PDE1A: variants seen among roughly 807,000 people sequenced by gnomAD.
PDE1A encodes the protein dual specificity calcium/calmodulin-dependent 3',5'-cyclic nucleotide phosphodiesterase 1A.
Under a neutral mutation model 61.7 loss-of-function variants are expected in PDE1A, and 35 were observed. The ratio of observed to expected loss-of-function variants is 0.57; its 90% confidence interval spans 0.43 to 0.75. The LOEUF (loss-of-function observed/expected upper bound fraction) is 0.75, where lower values mean the gene tolerates loss of function less well. PDE1A is among the 30% of genes least tolerant of loss of function. The pLI, the probability that PDE1A is intolerant of heterozygous loss-of-function variation, is 0.00. For missense variants in PDE1A, 597 were observed against 630.6 expected, an observed-to-expected ratio of 0.95 and a Z score of 0.57; for synonymous variants, 232 against 213.2, an observed-to-expected ratio of 1.09 and a Z score of -0.77.
At chr2:182,174,700 A>G (rs1657185178) in intron 13 of PDE1A, among the ~76,000 whole-genome samples, 2 of 152,060 alleles carry the variant, frequency 1.3e-5, no homozygotes, top group African/African-American at 4.8e-5. Context: ...TACACGTTGC[A>G]TAAAACAGAA....
At chr2:182,397,230 T>C (rs1180156051) in intron 1 of PDE1A, among the ~76,000 whole-genome samples, 1 of 152,160 alleles carries the variant, frequency 6.6e-6, no homozygotes, top group Non-Finnish European at 1.5e-5. Context: ...ACCTAACATA[T>C]TTGAGGTGAT....
chr2:182,638,513 G>C, the PDE1A span, among the ~76,000 whole-genome samples: 2 of 152,222 alleles, frequency 1.3e-5, no homozygotes, highest in Non-Finnish European at 2.9e-5. Context: ...TCCAGCCTGG[G>C]CGACAGAGTG....
chr2:182,378,337 G>T (rs536402951), intron 1 of PDE1A, among the ~76,000 whole-genome samples: 1 of 152,150 alleles, frequency 6.6e-6, no homozygotes, highest in Non-Finnish European at 1.5e-5. Flanking sequence ...TGGGTGAAGG[G>T]GGCGTATCAA....
intron 4 of PDE1A, 60 bp downstream of exon 4, chr2:182,234,372 T>G: frequency 3.4e-6 from 4 of 1,170,880 alleles, no homozygotes; most frequent in Non-Finnish European, 3.8e-6. Flanking sequence ...TCTCATAGCC[T>G]TTTTAAGAGA....
the PDE1A span, among the ~76,000 whole-genome samples, chr2:182,605,038 ATTT>A: frequency 6.8e-5 from 10 of 147,786 alleles, no homozygotes; most frequent in Middle Eastern, 3.5e-3. Flanking sequence ...AGGGGAGTGG[ATTT>A]TTTTTTTTTT....
intron 2 of PDE1A, among the ~76,000 whole-genome samples, chr2:182,245,956 A>T (rs1012100706): frequency 2.6e-5 from 4 of 152,332 alleles, no homozygotes; most frequent in African/African-American, 9.6e-5. Context: ...CCAGAGGCCA[A>T]GCTGCCATCA....
intron 2 of PDE1A, among the ~76,000 whole-genome samples, chr2:182,256,692 G>A (rs529893345): frequency 1.9e-4 from 29 of 152,266 alleles, no homozygotes; most frequent in Non-Finnish European, 3.1e-4. Flanking sequence ...ATAAAAGGAT[G>A]ACTTCTTGAC....
the PDE1A span, among the ~76,000 whole-genome samples, chr2:182,690,482 C>T: frequency 1.3e-3 from 197 of 152,238 alleles, no homozygotes; most frequent in Admixed American, 2.0e-3. Context: ...GTCAACAGCG[C>T]TTCATGCTAA....
At position 182,148,130 on chromosome 2, in the gene PDE1A, A is replaced by G. The variant is rs546094947; in HGVS notation, c.1517-978T>C. Among the ~76,000 whole-genome samples, 62 of 152,322 alleles carry G rather than the reference A, an allele frequency of 4.1e-4. 1 individual carries two copies. The highest frequency in any genetic ancestry group is 1.4e-3 in the African/African-American group (59 of 41,576). On this transcript the variant is annotated intron_variant, in intron 13 of 13. Transcript: ENST00000409365. The stretch of plus-strand genomic sequence containing the variant: ...CTTTCCTGATCATTCTTAGAGAACT[A>G]AAAACATCCTGTGATCACATTAAGT...
upstream of PDE1A, among the ~76,000 whole-genome samples, chr2:182,427,323 G>A (rs1295492431): frequency 1.3e-5 from 2 of 152,040 alleles, no homozygotes; most frequent in Non-Finnish European, 2.9e-5. Context: ...ACCTCCTCTT[G>A]GCTGAAGTTG....
At chr2:182,480,410 G>C (rs189124682) in intron 2 of PDE1A, among the ~76,000 whole-genome samples, 88 of 151,992 alleles carry the variant, frequency 5.8e-4, no homozygotes, top group Non-Finnish European at 5.4e-4. Flanking sequence ...CTCCTTGAAA[G>C]GCTTTCTGAA....
chr2:182,511,119 G>A (rs534407914), intron 2 of PDE1A, among the ~76,000 whole-genome samples: 84 of 152,178 alleles, frequency 5.5e-4, no homozygotes, highest in African/African-American at 2.0e-3. Context: ...CAACACCGAT[G>A]AGATACGTGA....
At chr2:182,336,088 G>T (rs993964913) in intron 1 of PDE1A, among the ~76,000 whole-genome samples, 2 of 152,206 alleles carry the variant, frequency 1.3e-5, no homozygotes, top group Non-Finnish European at 2.9e-5. Flanking sequence ...ACGCCAGTTA[G>T]AATGGTGATC....
chr2:182,602,996 T>C, the PDE1A span, among the ~76,000 whole-genome samples: 1,394 of 54,578 alleles, frequency 0.026, 11 homozygotes, highest in African/African-American at 0.085. Context: ...CACACACACA[T>C]ACATACATAC....
At chr2:182,635,698 C>CTCTCTTCTA in the PDE1A span, among the ~76,000 whole-genome samples, 1,933 of 147,578 alleles carry the variant, frequency 0.013, 119 homozygotes, top group Admixed American at 0.11. Flanking sequence ...CTCTCTCTCT[C>CTCTCTTCTA]TCCACATATG....
intron 2 of PDE1A, among the ~76,000 whole-genome samples, chr2:182,443,854 C>T (rs1574668957): frequency 6.6e-6 from 1 of 151,894 alleles, no homozygotes; most frequent in Non-Finnish European, 1.5e-5. Flanking sequence ...CAGGCATGCG[C>T]CACCATGCCC....
chr2:182,375,020 T>C (rs1008056525), intron 1 of PDE1A, among the ~76,000 whole-genome samples: 2 of 152,148 alleles, frequency 1.3e-5, no homozygotes, highest in Admixed American at 1.3e-4. Flanking sequence ...TTCACTACCA[T>C]GAGAACAGTA....
the PDE1A span, among the ~76,000 whole-genome samples, chr2:182,637,555 TACCAATG>T: frequency 6.6e-6 from 1 of 151,984 alleles, no homozygotes; most frequent in Non-Finnish European, 1.5e-5. Context: ...TATAAGAAAA[TACCAATG>T]ATGAAGGTTA....
At chr2:182,366,813 A>T (rs1559381813) in intron 1 of PDE1A, among the ~76,000 whole-genome samples, 1 of 152,044 alleles carries the variant, frequency 6.6e-6, no homozygotes, top group East Asian at 1.9e-4. Context: ...AATTGTTTTG[A>T]CTAGTGGGCT....
Sources: gnomAD v4.1 joint callset for allele counts (sites outside exome capture counted in the v4.1 genomes callset) on GRCh38, gnomAD v4.1.1 for gene constraint, MANE v1.5 for transcripts, NCBI Gene and HGNC (gene_info 2026-07-23, HGNC 2026-07-21) for gene names.